Variants in PPP1R37 observed in about 807,000 individuals in gnomAD.
PPP1R37 encodes the protein leucine rich repeat containing 68.
In PPP1R37, 21 loss-of-function variants were observed where a neutral mutation model predicts 61.0. The ratio of observed to expected loss-of-function variants is 0.34; its 90% CI spans 0.24 to 0.50. The LOEUF is 0.50. Among genes scored for constraint, PPP1R37 ranks in the 20% least tolerant of loss-of-function variants. PPP1R37 has a pLI of 0.98. For missense variants in PPP1R37, 910 were observed against 952.7 expected (o/e 0.96, Z 0.59); for synonymous variants, 443 against 433.5 (o/e 1.02, Z -0.27).
In PPP1R37 at chr19:45,145,714, C is replaced by A; in HGVS notation, c.1658C>A (p.Thr553Asn). 1 of 1,534,144 alleles carries A rather than the reference C, an allele frequency of 6.5e-7. No homozygotes were observed. The highest frequency in any genetic ancestry group is 8.7e-7 in the Non-Finnish European group (1 of 1,146,010). The change falls in exon 11 of 13, where the codon ACC becomes AAC. Residue 553 changes from threonine to asparagine, a missense_variant. Around this residue, in one of 3 missense-constraint regions of PPP1R37, gnomAD observed 549 missense variants for 505.1 expected, o/e 1.09. Coordinates refer to ENST00000221462, the MANE Select transcript of PPP1R37 (RefSeq NM_019121.2). ...RSPPGSPSTP[T>N]EQRISVSSPG... is the part of the protein sequence containing the mutation. ...CCCCCAGGCAGCCCCTCCACACCCA[C>A]CGAGCAGCGGATTTCCGTGTCCAGC...
At chr19:45,104,942 T>C (rs1476472604) in intron 1 of PPP1R37, among the ~76,000 whole-genome samples, 5 of 152,204 alleles carry the variant, frequency 3.3e-5, no homozygotes, top group Non-Finnish European at 7.3e-5. Flanking sequence ...TTCCTGGCCC[T>C]CCTAATGGGC....
At chr19:45,124,811 A>G (rs34395747) in intron 1 of PPP1R37, among the ~76,000 whole-genome samples, 5,262 of 150,974 alleles carry the variant, frequency 0.035, 310 homozygotes, top group African/African-American at 0.12. Context: ...AAAAAAGAAA[A>G]AAAAAAAAAA....
chr19:45,107,969 A>T (rs895728469), intron 1 of PPP1R37, among the ~76,000 whole-genome samples: 6 of 152,158 alleles, frequency 3.9e-5, no homozygotes, highest in African/African-American at 1.4e-4. Context: ...TGCATAGATA[A>T]TGCAGTGATG....
chr19:45,120,792 T>G (rs1968332854), intron 1 of PPP1R37, among the ~76,000 whole-genome samples: 1 of 152,182 alleles, frequency 6.6e-6, no homozygotes, highest in South Asian at 2.1e-4. Context: ...TTTGTATTTT[T>G]AGTAGAGACG....
chr19:45,122,328 CCTGT>C (rs1216806526), intron 1 of PPP1R37, among the ~76,000 whole-genome samples: 7 of 152,176 alleles, frequency 4.6e-5, no homozygotes, highest in African/African-American at 1.7e-4. Context: ...CCCAGCTGGC[CCTGT>C]CTGAGTTGGG....
chr19:45,110,171 T>C (rs1568441702), intron 1 of PPP1R37, among the ~76,000 whole-genome samples: 2 of 151,534 alleles, frequency 1.3e-5, no homozygotes. Context: ...GTTGCAGTGC[T>C]GTGGCGTGGT....
intron 1 of PPP1R37, among the ~76,000 whole-genome samples, chr19:45,124,198 G>T (rs12459402): frequency 0.023 from 3,427 of 152,254 alleles, 128 homozygotes; most frequent in African/African-American, 0.077. Context: ...GACCTACCGT[G>T]GGGATCAGGG....
Position 45,145,085 on chromosome 19 carries a change from C to G in PPP1R37, c.1130-9C>G. On this transcript the variant is annotated splice_polypyrimidine_tract_variant and intron_variant, in intron 9 of 12. Coordinates refer to ENST00000221462, the MANE Select transcript of PPP1R37 (RefSeq NM_019121.2). The stretch of plus-strand genomic sequence containing the variant: ...GGGCCCGTGGCCAGCCCCTGCGGTG[C>G]CCCCCCAGGCGCGGTGGCGGTGGCG... 6.5e-7 allele frequency: 1 copy of G among 1,529,344 alleles called. No individual in the cohort carries two copies. Among genetic ancestry groups the G allele is most frequent in the Non-Finnish European group, 8.7e-7 (1 of 1,144,050 alleles). The allele number at this position is 1,529,344 out of a possible 1,614,324, so 94.7% of individuals were successfully genotyped here. A position where few individuals can be genotyped will look rare whatever the true frequency, so the allele number is the denominator to read the frequency against.
chr19:45,145,117 A>C lies in PPP1R37; in HGVS notation c.1153A>C (p.Ile385Leu). Residue 385 changes from isoleucine to leucine, a missense_variant, in exon 10 of 13, where the codon ATC (isoleucine) becomes CTC (leucine). Transcript: ENST00000221462. ...CEGAVAVAEF[I>L]AESPRLLRLD... Reference sequence around the variant, plus strand: ...AGGCGCGGTGGCGGTGGCGGAGTTCATCGCTGAGAGCCCCCGCCTCCTGAG... The same window carrying C: ...AGGCGCGGTGGCGGTGGCGGAGTTCCTCGCTGAGAGCCCCCGCCTCCTGAG... 1.3e-6 allele frequency: 2 copies of C among 1,533,908 alleles called. No individual in the cohort carries two copies. The highest frequency in any genetic ancestry group is 1.7e-4 in the Middle Eastern group (1 of 5,984).
intron 1 of PPP1R37, among the ~76,000 whole-genome samples, chr19:45,122,926 C>T (rs886431487): frequency 5.3e-5 from 8 of 152,162 alleles, no homozygotes; most frequent in Admixed American, 6.5e-5. Context: ...CTCCAGGTCC[C>T]GATCTGTGCA....
chr19:45,146,573 C>T lies in PPP1R37; in HGVS notation c.*11C>T, dbSNP rs1418839810. Reference sequence around the variant, plus strand: ...TCCCCCAATCTCTCCTCCCCAAGTTCCCTTTTTCCGGTCGGTCTGCGATGA... The same window carrying T: ...TCCCCCAATCTCTCCTCCCCAAGTTTCCTTTTTCCGGTCGGTCTGCGATGA... On this transcript the variant is annotated splice_region_variant and 3_prime_UTR_variant, in exon 13 of 13. Coordinates refer to ENST00000221462, the MANE Select transcript of PPP1R37 (RefSeq NM_019121.2). The T allele has an allele frequency of 1.8e-5, 17 of 936,212 alleles. No individual in the cohort carries two copies. The Middle Eastern group carries it at 6.4e-4, about 35-fold the overall frequency. 58.0% of individuals were successfully genotyped at this position (936,212 alleles called of 1,614,324 possible). A position where few individuals can be genotyped will look rare whatever the true frequency, so the allele number is the denominator to read the frequency against.
At chr19:45,143,333 G>A in intron 7 of PPP1R37, 188 bp from the exon 8 acceptor site, 2 of 538,006 alleles carry the variant, frequency 3.7e-6, no homozygotes, top group South Asian at 4.4e-5. Flanking sequence ...TGTCATCCAG[G>A]CACCCAGGCC....
At position 45,145,395 on chromosome 19, in the gene PPP1R37, A is replaced by G; in HGVS notation, c.1339A>G (p.Ile447Val). 2 of 1,535,396 alleles carry G rather than the reference A, an allele frequency of 1.3e-6. No homozygotes were observed. Among genetic ancestry groups the G allele is most frequent in the Non-Finnish European group, 8.7e-7 (1 of 1,146,606 alleles). The change falls in exon 11 of 13, where the codon ATC becomes GTC. Residue 447 changes from isoleucine to valine, a missense_variant. Around this residue, in one of 3 missense-constraint regions of PPP1R37, gnomAD observed 549 missense variants for 505.1 expected, o/e 1.09. Coordinates refer to ENST00000221462, the MANE Select transcript of PPP1R37 (RefSeq NM_019121.2). The stretch of plus-strand genomic sequence containing the variant: ...GACGCAGAAGGCGCTGCTGGCCGAG[A>G]TCCAGAACGGCTGCAAGCGCAACTT... The part of the protein sequence containing the change: ...IETQKALLAE[I>V]QNGCKRNLVL...
chr19:45,123,449 T>TG (rs1329454163), intron 1 of PPP1R37, among the ~76,000 whole-genome samples: 1 of 152,168 alleles, frequency 6.6e-6, no homozygotes, highest in Non-Finnish European at 1.5e-5. Flanking sequence ...CTCCCTGTCT[T>TG]GAAGTTCGAG....
chr19:45,093,465 C>G lies in PPP1R37; in HGVS notation c.140C>G (p.Thr47Arg). 6.5e-7 allele frequency: 1 copy of G among 1,535,602 alleles called. No individual in the cohort carries two copies. Among genetic ancestry groups the G allele is most frequent in the Non-Finnish European group, 8.7e-7 (1 of 1,146,762 alleles). The change falls in exon 1 of 13, where the codon ACA (threonine) becomes AGA (arginine). Residue 47 changes from threonine to arginine, a missense_variant. By Grantham distance (71) the Thr-to-Arg change is moderately conservative. This residue lies in a region of PPP1R37 where 280 missense variants were observed against 382.2 expected (regional missense o/e 0.73). Coordinates refer to ENST00000221462, the MANE Select transcript of PPP1R37 (RefSeq NM_019121.2). ...GRLKAAAKRV[T>R]FPSDEDIVSG... ...CTCAAGGCTGCAGCCAAGCGCGTCA[C>G]ATTCCCGTCCGACGAGGATATCGTG...
At chr19:45,135,427 G>A (rs545285308) in intron 1 of PPP1R37, among the ~76,000 whole-genome samples, 5 of 152,340 alleles carry the variant, frequency 3.3e-5, no homozygotes, top group African/African-American at 7.2e-5. Context: ...GCTGCTAAGC[G>A]TTTGCAGTGC....
At position 45,093,337 on chromosome 19, in the gene PPP1R37, G is replaced by A. The variant is rs1328660508; in HGVS notation, c.12G>A (p.Ala4=). The A allele has an allele frequency of 2.7e-6, 4 of 1,479,644 alleles. No individual in the cohort carries two copies. Among genetic ancestry groups the A allele is most frequent in the Non-Finnish European group, 3.6e-6 (4 of 1,120,348 alleles). The allele number at this position is 1,479,644 out of a possible 1,614,324, so 91.7% of individuals were successfully genotyped here. The change falls in exon 1 of 13, where the codon GCG becomes GCA. Residue 4 remains alanine (A), a synonymous_variant. Coordinates refer to ENST00000221462, the MANE Select transcript of PPP1R37 (RefSeq NM_019121.2). MEI[A]PQEAPPVPGA... ...AGGCGGCGGCGGCTATGGAGATCGCGCCGCAGGAGGCGCCGCCCGTGCCGG... is the reference window on the plus strand; with the variant it reads ...AGGCGGCGGCGGCTATGGAGATCGCACCGCAGGAGGCGCCGCCCGTGCCGG...
intron 1 of PPP1R37, among the ~76,000 whole-genome samples, chr19:45,096,288 G>A (rs1251200510): frequency 6.6e-6 from 1 of 152,142 alleles, no homozygotes; most frequent in Non-Finnish European, 1.5e-5. Flanking sequence ...TTTGTGGGCT[G>A]AAGGGTCAGG....
At chr19:45,135,829 C>T (rs2003183) in intron 1 of PPP1R37, among the ~76,000 whole-genome samples, 4,919 of 144,896 alleles carry the variant, frequency 0.034, 283 homozygotes, top group African/African-American at 0.12. Context: ...GTCACCCAGG[C>T]TGGAGTGCAA....
Sources: gnomAD v4.1 joint callset for allele counts (sites outside exome capture counted in the v4.1 genomes callset) on GRCh38, gnomAD v4.1.1 for gene constraint, gnomAD v4.1.1 regional missense constraint, MANE v1.5 for transcripts, NCBI Gene and HGNC (gene_info 2026-07-23, HGNC 2026-07-21) for gene names.